The following MAP1S variants were observed in gnomAD, a reference collection of about 807,000 sequenced individuals.
MAP1S encodes the protein microtubule-associated protein 1S.
Under a neutral mutation model 60.9 loss-of-function variants are expected in MAP1S, and 27 were observed. The ratio of observed to expected loss-of-function variants is 0.44; its 90% confidence interval spans 0.33 to 0.61. The LOEUF (loss-of-function observed/expected upper bound fraction) is 0.61. Ranked by LOEUF, MAP1S falls within the 20% of genes least tolerant of loss-of-function variation. The probability of loss-of-function intolerance (pLI) is 0.03; values close to 1 mark genes in which losing one functional copy is unlikely to be tolerated. For synonymous variants in MAP1S, 826 were observed against 694.2 expected, an observed-to-expected ratio of 1.19 and a Z score of -2.98; for missense variants, 1,608 against 1,486.6, an observed-to-expected ratio of 1.08 and a Z score of -1.34.
intron 3 of MAP1S, among the ~76,000 whole-genome samples, chr19:17,724,557 A>G (rs1232762611): frequency 6.6e-6 from 1 of 152,136 alleles, no homozygotes. Flanking sequence ...ACTCACTAAC[A>G]TTAACCAGCT....
chr19:17,723,200 G>C (rs149570606), intron 2 of MAP1S, among the ~76,000 whole-genome samples: 2 of 152,100 alleles, frequency 1.3e-5, no homozygotes, highest in East Asian at 3.9e-4. Context: ...ATGTACCCTC[G>C]TCCACGTTCG....
At chr19:17,720,388 G>A (rs758993822) in intron 1 of MAP1S, 3 of 1,534,936 alleles carry the variant, frequency 2.0e-6, no homozygotes, top group African/African-American at 2.7e-5. Context: ...TGGACACAGG[G>A]ATATGGCCGG....
Position 17,733,509 on chromosome 19 carries a change from G to A in MAP1S, c.3024+81G>A, listed in dbSNP as rs902371337. ...ACCACCCTCGACCCTCAGAGACTAA[G>A]CTGTGTTCCCCAGGCCACACGGGAA... On this transcript the variant is annotated intron_variant, in intron 6 of 6. Transcript: ENST00000324096. 1.9e-5 allele frequency: 23 copies of A among 1,228,340 alleles called. No individual in the cohort carries two copies. In the African/African-American group the frequency reaches 3.4e-4, roughly 18 times the overall value. The allele number at this position is 1,228,340 out of a possible 1,614,324, so 76.1% of individuals were successfully genotyped here. A position where few individuals can be genotyped will look rare whatever the true frequency, so the allele number is the denominator to read the frequency against.
rs1268429778 is a variant in MAP1S, at chr19:17,728,012, CA to C, written c.2631del (p.Ala878ProfsTer132). On this transcript the variant is annotated frameshift_variant, in exon 5 of 7. Transcript: ENST00000324096. LOFTEE classifies it high-confidence loss of function. ...GCCCCAACTCACGCGCTGCCGCCCC[CA>C]AAGCCACTCCAGTGGCTGCTGCCAA... ...ARPNSRAAAP[K>X]ATPVAAAKTK... 1.2e-6 allele frequency: 2 copies of C among 1,611,994 alleles called. No homozygotes were observed.
At chr19:17,720,325 T>G in intron 1 of MAP1S, 1 of 1,485,788 alleles carries the variant, frequency 6.7e-7, no homozygotes, top group Non-Finnish European at 8.9e-7. Context: ...CCTCGGTTCA[T>G]GTGCTTGAGG....
At position 17,730,961 on chromosome 19, in the gene MAP1S, G is replaced by GCT. The variant is rs1451544353; in HGVS notation, c.2789-2230_2789-2229dup. ...GCTGCAGCATGGGAGCACTATCTTG[G>GCT]CTCACTGCAACCTCCGCCTCCCGGG... On this transcript the variant is annotated intron_variant, in intron 5 of 6. Transcript: ENST00000324096. Among the ~76,000 whole-genome samples the GCT allele has an allele frequency of 2.0e-5, 3 of 150,120 alleles. No homozygotes were observed. In the Admixed American group the frequency reaches 2.0e-4, roughly 10 times the overall value.
In MAP1S at chr19:17,726,997, C is replaced by T. The variant is rs7252905; in HGVS notation, c.1613C>T (p.Pro538Leu). The part of the protein sequence containing the change: ...DPKPSVSRTQ[P>L]REVRRAASSV... ...AAACCGAGTGTCTCCCGGACCCAGC[C>T]GCGGGAGGTGCGCCGGGCAGCCTCT... Residue 538 changes from proline (P) to leucine (L), a missense_variant, in exon 5 of 7, where the codon CCG becomes CTG. Physicochemically the swap from Pro to Leu is moderately conservative, Grantham distance 98. This residue lies in a region of MAP1S where 1,167 missense variants were observed against 961.4 expected (regional missense o/e 1.21). Transcript: ENST00000324096. 5.1e-6 allele frequency: 8 copies of T among 1,578,936 alleles called. No individual in the cohort carries two copies. The highest frequency in any genetic ancestry group is 2.3e-5 in the South Asian group (2 of 86,534).
In MAP1S at chr19:17,725,688, C is replaced by A; in HGVS notation, c.445-141C>A. On this transcript the variant is annotated intron_variant, in intron 4 of 6. Coordinates refer to ENST00000324096, the MANE Select transcript of MAP1S (RefSeq NM_018174.6). This position sits in a 1 kb window ranked among gnomAD's most constrained non-coding sequence, Gnocchi z 4.2. ...GGCCAGATCAAAGAGCCTTGTGGCG[C>A]TGGAGAGGGTTGGGTTTTGGCGGGA... The A allele has an allele frequency of 1.3e-6, 1 of 770,982 alleles. No individual in the cohort carries two copies. Among genetic ancestry groups the A allele is most frequent in the Non-Finnish European group, 2.1e-6 (1 of 484,438 alleles). 47.8% of individuals were successfully genotyped at this position (770,982 alleles called of 1,614,324 possible).
Position 17,727,166 on chromosome 19 carries a change from CA to C in MAP1S, c.1783del (p.Ser595ValfsTer62). On this transcript the variant is annotated frameshift_variant, in exon 5 of 7. Transcript: ENST00000324096. LOFTEE classifies it high-confidence loss of function. The surrounding 1 kb of genome is among the most constrained non-coding windows in gnomAD (Gnocchi z 4.1). ...SLRCGEASPP[S>X]AACGSPASQL... is the part of the protein sequence containing the mutation. ...TCCGATGTGGAGAAGCCAGCCCCCC[CA>C]GTGCAGCCTGCGGCTCTCCGGCCTC... The C allele has an allele frequency of 6.3e-7, 1 of 1,587,478 alleles. No homozygotes were observed. The highest frequency in any genetic ancestry group is 1.1e-5 in the South Asian group (1 of 88,184).
rs769960847 is a variant in MAP1S, at chr19:17,727,919, C to G, written c.2535C>G (p.Pro845=). 1.9e-6 allele frequency: 3 copies of G among 1,611,298 alleles called. No homozygotes were observed. Among genetic ancestry groups the G allele is most frequent in the Non-Finnish European group, 2.5e-6 (3 of 1,179,184 alleles). Residue 845 remains proline (P), a synonymous_variant, in exon 5 of 7, where the codon CCC becomes CCG. Coordinates refer to ENST00000324096, the MANE Select transcript of MAP1S (RefSeq NM_018174.6). This position sits in a 1 kb window ranked among gnomAD's most constrained non-coding sequence, Gnocchi z 4.1. ...PDPSSICMVD[P]EMLPPKTARQ... is the part of the protein sequence containing the mutation. ...CATCCAGCATCTGCATGGTGGACCCCGAGATGCTGCCCCCCAAGACAGCAC... is the reference window on the plus strand; with the variant it reads ...CATCCAGCATCTGCATGGTGGACCCGGAGATGCTGCCCCCCAAGACAGCAC...
chr19:17,727,208 G>T lies in MAP1S; in HGVS notation c.1824G>T (p.Thr608=), dbSNP rs374802560. 4.5e-6 allele frequency: 7 copies of T among 1,570,006 alleles called. No homozygotes were observed. The highest frequency in any genetic ancestry group is 6.0e-6 in the Non-Finnish European group (7 of 1,162,562). Residue 608 remains threonine (T), a synonymous_variant, in exon 5 of 7, where the codon ACG becomes ACT. Coordinates refer to ENST00000324096, the MANE Select transcript of MAP1S (RefSeq NM_018174.6). This position sits in a 1 kb window ranked among gnomAD's most constrained non-coding sequence, Gnocchi z 4.1. ...CGSPASQLVA[T]PSLELGPIPA... is the part of the protein sequence containing the mutation. Reference sequence around the variant, plus strand: ...CTCCGGCCTCCCAGCTGGTGGCCACGCCCAGCCTGGAGCTGGGGCCGATCC... The same window carrying T: ...CTCCGGCCTCCCAGCTGGTGGCCACTCCCAGCCTGGAGCTGGGGCCGATCC...
Position 17,726,404 on chromosome 19 carries a change from C to T in MAP1S, c.1020C>T (p.Asn340=), listed in dbSNP as rs1157237672. The T allele has an allele frequency of 7.0e-6, 11 of 1,581,984 alleles. No individual in the cohort carries two copies. Among genetic ancestry groups the T allele is most frequent in the Admixed American group, 1.8e-5 (1 of 56,712 alleles). The change falls in exon 5 of 7, where the codon AAC becomes AAT. Residue 340 remains asparagine (N), a synonymous_variant. Transcript: ENST00000324096. ...ISPNLGVVFF[N]ACEAASRLAR... ...CCAACCTGGGGGTCGTGTTCTTCAA[C>T]GCCTGCGAGGCCGCGTCGCGGCTGG... is the stretch of plus-strand genomic sequence containing the variant.
At position 17,725,782 on chromosome 19, in the gene MAP1S, GTGTTGCC is replaced by G; in HGVS notation, c.445-44_445-38del. 1 of 1,559,102 alleles carries G rather than the reference GTGTTGCC, an allele frequency of 6.4e-7. No individual in the cohort carries two copies. The highest frequency in any genetic ancestry group is 8.7e-7 in the Non-Finnish European group (1 of 1,149,944). On this transcript the variant is annotated intron_variant, in intron 4 of 6. Coordinates refer to ENST00000324096, the MANE Select transcript of MAP1S (RefSeq NM_018174.6). This position sits in a 1 kb window ranked among gnomAD's most constrained non-coding sequence, Gnocchi z 4.2. ...TCGCCCAGTTTTCCCACCGGGCTAG[GTGTTGCC>G]TGGCTCTAGGTGGTCCCTTACCACT...
At chr19:17,723,135 G>A (rs1042243156) in intron 2 of MAP1S, among the ~76,000 whole-genome samples, 3 of 151,926 alleles carry the variant, frequency 2.0e-5, no homozygotes, top group Non-Finnish European at 2.9e-5. Context: ...CTTCAGCCCC[G>A]GCCCTTATGC....
At chr19:17,729,407 T>C (rs1251174793) in intron 5 of MAP1S, among the ~76,000 whole-genome samples, 1 of 152,156 alleles carries the variant, frequency 6.6e-6, no homozygotes, top group Non-Finnish European at 1.5e-5. Context: ...CAGGGAATGG[T>C]GGGAACCCTC....
At chr19:17,732,038 C>T (rs564942924) in intron 5 of MAP1S, among the ~76,000 whole-genome samples, 10 of 152,314 alleles carry the variant, frequency 6.6e-5, no homozygotes, top group Admixed American at 2.0e-4. Context: ...AATATCTGTG[C>T]CTGGCTTTGG....
rs776265315 is a variant in MAP1S at position 17,734,451 on chromosome 19, A to T, written c.*23A>T. On this transcript the variant is annotated 3_prime_UTR_variant, in exon 7 of 7. Transcript: ENST00000324096. ...TAGCCCCATCGCCGACACGCCCCCC[A>T]CTCAGCCCAGCCCGCCTGTCCCTAG... 6.3e-7 allele frequency: 1 copy of T among 1,590,046 alleles called. No individual in the cohort carries two copies. Among genetic ancestry groups the T allele is most frequent in the Admixed American group, 1.7e-5 (1 of 59,102 alleles).
In MAP1S at chr19:17,727,584, G is replaced by A. The variant is rs767824448; in HGVS notation, c.2200G>A (p.Asp734Asn). 4.4e-6 allele frequency: 7 copies of A among 1,607,064 alleles called. No homozygotes were observed. Among genetic ancestry groups the A allele is most frequent in the East Asian group, 4.5e-5 (2 of 44,852 alleles). ...PRARRSASPH[D>N]VDLCLVSPCE... ...GGCGCGGCGCTCGGCTTCCCCACAC[G>A]ATGTGGACCTGTGCCTGGTGTCACC... The change falls in exon 5 of 7, where the codon GAT (aspartate) becomes AAT (asparagine). Residue 734 changes from aspartate (D) to asparagine (N), a missense_variant. Asp to Asn is a conservative substitution (Grantham distance 23). This residue lies in a region of MAP1S where 1,167 missense variants were observed against 961.4 expected (regional missense o/e 1.21). Coordinates refer to ENST00000324096, the MANE Select transcript of MAP1S (RefSeq NM_018174.6). This position sits in a 1 kb window ranked among gnomAD's most constrained non-coding sequence, Gnocchi z 4.1.
In MAP1S at chr19:17,726,994, A is replaced by G; in HGVS notation, c.1610A>G (p.Gln537Arg). The G allele has an allele frequency of 3.2e-6, 5 of 1,578,802 alleles. No homozygotes were observed. Among genetic ancestry groups the G allele is most frequent in the Non-Finnish European group, 4.3e-6 (5 of 1,163,148 alleles). ...KDPKPSVSRT[Q>R]PREVRRAASS... The stretch of plus-strand genomic sequence containing the variant: ...CCCAAACCGAGTGTCTCCCGGACCC[A>G]GCCGCGGGAGGTGCGCCGGGCAGCC... The change falls in exon 5 of 7, where the codon CAG (glutamine) becomes CGG (arginine). Residue 537 changes from glutamine (Q) to arginine (R), a missense_variant. This residue lies in a region of MAP1S where 1,167 missense variants were observed against 961.4 expected (regional missense o/e 1.21). Coordinates refer to ENST00000324096, the MANE Select transcript of MAP1S (RefSeq NM_018174.6).
Sources: gnomAD v4.1 joint callset for allele counts (sites outside exome capture counted in the v4.1 genomes callset) on GRCh38, gnomAD v4.1.1 for gene constraint, gnomAD v4.1.1 regional missense constraint, Gnocchi (gnomAD v3.1) non-coding constraint, MANE v1.5 for transcripts, NCBI Gene and HGNC (gene_info 2026-07-23, HGNC 2026-07-21) for gene names.